The following IRF2 variants were observed in gnomAD, a reference collection of about 807,000 sequenced individuals.
IRF2 encodes the protein interferon regulatory factor 2.
In IRF2, 15 loss-of-function variants were observed where a neutral mutation model predicts 40.6. The observed-to-expected ratio is 0.37, with a 90% CI of 0.25 to 0.57. The LOEUF is 0.57. Ranked by LOEUF, IRF2 falls within the 20% of genes least tolerant of loss-of-function variation. The pLI, the probability that IRF2 is intolerant of heterozygous loss-of-function variation, is 0.77. For synonymous variants in IRF2, 151 were observed against 165.5 expected (o/e 0.91, Z 0.67); for missense variants, 317 against 455.7 (o/e 0.70, Z 2.77).
intron 2 of IRF2, among the ~76,000 whole-genome samples, chr4:184,422,251 C>T (rs190950442): frequency 1.3e-5 from 2 of 152,280 alleles, no homozygotes; most frequent in East Asian, 3.9e-4. Flanking sequence ...GACTAACCCA[C>T]AGACATGTCT....
intron 8 of IRF2, 26 bp downstream of exon 8, chr4:184,390,677 C>G (rs371515913): frequency 1.2e-6 from 2 of 1,613,474 alleles, no homozygotes; most frequent in Non-Finnish European, 1.7e-6. Context: ...TTGGCAGCAT[C>G]GTGGGCAGGC....
intron 1 of IRF2, chr4:184,472,477 G>T (rs550570792): frequency 6.6e-6 from 1 of 152,224 alleles, no homozygotes; most frequent in South Asian, 2.1e-4. Context: ...CAGTCTCGGT[G>T]ATGCCTGAAA....
rs1167552509 is a variant in IRF2 at position 184,473,320 on chromosome 4, C to T, written c.-7+1059G>A. Among the ~76,000 whole-genome samples the T allele has an allele frequency of 1.3e-4, 20 of 149,618 alleles. No individual in the cohort carries two copies. The South Asian group carries it at 4.2e-3, about 31-fold the overall frequency. On this transcript the variant is annotated intron_variant, in intron 1 of 8. Transcript: ENST00000393593. ...CTGCGCCGCTCGGTCCCCGGAGGCTCCCCGCCCCCACCTCGCCCGCTCCGT... is the reference window on the plus strand; with the variant it reads ...CTGCGCCGCTCGGTCCCCGGAGGCTTCCCGCCCCCACCTCGCCCGCTCCGT...
chr4:184,434,466 C>T (rs1738007810), intron 1 of IRF2, among the ~76,000 whole-genome samples: 1 of 152,102 alleles, frequency 6.6e-6, no homozygotes, highest in Non-Finnish European at 1.5e-5. Flanking sequence ...AAGTAAAATG[C>T]TAAAATTTTA....
chr4:184,449,752 T>C (rs925044773), intron 1 of IRF2, among the ~76,000 whole-genome samples: 2 of 152,256 alleles, frequency 1.3e-5, no homozygotes, highest in Non-Finnish European at 2.9e-5. Flanking sequence ...ATGTTGTTTA[T>C]GTAGATCTTG....
intron 1 of IRF2, among the ~76,000 whole-genome samples, chr4:184,450,966 C>A (rs951907652): frequency 6.6e-6 from 1 of 152,106 alleles, no homozygotes; most frequent in Middle Eastern, 3.4e-3. Context: ...TGGTGCAAAC[C>A]GAAAAGACTA....
chr4:184,441,421 T>C (rs1738300225), intron 1 of IRF2, among the ~76,000 whole-genome samples: 1 of 152,222 alleles, frequency 6.6e-6, no homozygotes, highest in Non-Finnish European at 1.5e-5. Context: ...AGTGGTCAGG[T>C]GTCTGGTGGA....
At chr4:184,431,087 C>T (rs1011152882) in intron 1 of IRF2, among the ~76,000 whole-genome samples, 13 of 152,220 alleles carry the variant, frequency 8.5e-5, no homozygotes, top group South Asian at 2.1e-4. Flanking sequence ...GCTCTGAAGA[C>T]GGCTCTGAGG....
intron 2 of IRF2, among the ~76,000 whole-genome samples, chr4:184,424,225 G>T (rs776245054): frequency 3.9e-5 from 6 of 152,208 alleles, no homozygotes; most frequent in Non-Finnish European, 8.8e-5. Context: ...CCCAGCCAAG[G>T]TCTCATTCAT....
At chr4:184,425,665 C>T (rs753058075) in intron 2 of IRF2, among the ~76,000 whole-genome samples, 1 of 152,214 alleles carries the variant, frequency 6.6e-6, no homozygotes, top group Non-Finnish European at 1.5e-5. Flanking sequence ...AGAGAACTCT[C>T]GAGCCAAGAG....
intron 2 of IRF2, chr4:184,428,553 T>C (rs139132608): frequency 2.7e-6 from 1 of 370,592 alleles, no homozygotes; most frequent in Non-Finnish European, 5.4e-6. Context: ...ATCCCCACAC[T>C]TTGGGAGGCT....
chr4:184,466,878 C>T (rs112910763), intron 1 of IRF2, among the ~76,000 whole-genome samples: 24 of 152,240 alleles, frequency 1.6e-4, no homozygotes, highest in African/African-American at 5.1e-4. Context: ...TACTGAGGAC[C>T]GTAGGCCACT....
At chr4:184,441,207 A>G (rs746643369) in intron 1 of IRF2, among the ~76,000 whole-genome samples, 6 of 152,116 alleles carry the variant, frequency 3.9e-5, no homozygotes, top group Non-Finnish European at 8.8e-5. Context: ...TAGGCCTTGT[A>G]CTCTGCACCC....
chr4:184,451,417 T>C (rs138453853), intron 1 of IRF2, among the ~76,000 whole-genome samples: 1 of 152,316 alleles, frequency 6.6e-6, no homozygotes, highest in East Asian at 1.9e-4. Context: ...GCACCCATGA[T>C]GCACTCAGCA....
chr4:184,464,601 A>G (rs1376068360), intron 1 of IRF2, among the ~76,000 whole-genome samples: 1 of 152,148 alleles, frequency 6.6e-6, no homozygotes, highest in Non-Finnish European at 1.5e-5. Flanking sequence ...TGTACATTAA[A>G]TGCTCTTTTC....
At chr4:184,428,093 A>G (rs1737736653) in intron 2 of IRF2, among the ~76,000 whole-genome samples, 1 of 152,244 alleles carries the variant, frequency 6.6e-6, no homozygotes, top group Non-Finnish European at 1.5e-5. Flanking sequence ...AGGATCAATT[A>G]AATTAAGAGT....
chr4:184,427,066 T>A (rs1448468178), intron 2 of IRF2, among the ~76,000 whole-genome samples: 1 of 152,208 alleles, frequency 6.6e-6, no homozygotes, highest in Non-Finnish European at 1.5e-5. Context: ...CTACCCTGGC[T>A]CTCCAGCTCC....
At chr4:184,432,451 C>T (rs1204926572) in intron 1 of IRF2, among the ~76,000 whole-genome samples, 1 of 152,252 alleles carries the variant, frequency 6.6e-6, no homozygotes, top group East Asian at 1.9e-4. Context: ...GCTGAAGTGC[C>T]TTCCCGGGTT....
chr4:184,466,633 A>G (rs1230126040), intron 1 of IRF2, among the ~76,000 whole-genome samples: 2 of 152,214 alleles, frequency 1.3e-5, no homozygotes, highest in Non-Finnish European at 2.9e-5. Context: ...TCCAAAGGCA[A>G]TTTTAGATTG....
Sources: gnomAD v4.1 joint callset for allele counts (sites outside exome capture counted in the v4.1 genomes callset) on GRCh38, gnomAD v4.1.1 for gene constraint, MANE v1.5 for transcripts, NCBI Gene and HGNC (gene_info 2026-07-23, HGNC 2026-07-21) for gene names.